Variants in ANKRD28 observed in about 807,000 individuals in gnomAD.
The protein encoded by ANKRD28 is ankyrin repeat domain 28, also known as serine/threonine-protein phosphatase 6 regulatory ankyrin repeat subunit A.
In ANKRD28, 44 loss-of-function variants were observed where a neutral mutation model predicts 126.5. The ratio of observed to expected loss-of-function variants is 0.35; its 90% CI spans 0.27 to 0.45. The LOEUF (loss-of-function observed/expected upper bound fraction) is 0.45. Ranked by LOEUF, ANKRD28 falls within the 20% of genes least tolerant of loss-of-function variation. The pLI, the probability that ANKRD28 is intolerant of heterozygous loss-of-function variation, is 1.00. For missense variants in ANKRD28, 1,110 were observed against 1,316.6 expected (o/e 0.84, Z 2.43); for synonymous variants, 442 against 468.5 (o/e 0.94, Z 0.73).
At chr3:15,722,126 G>C in intron 7 of ANKRD28, among the ~76,000 whole-genome samples, 1 of 152,170 alleles carries the variant, frequency 6.6e-6, no homozygotes, top group Non-Finnish European at 1.5e-5. Flanking sequence ...CCAAAGAGAG[G>C]TCTGTCCTTT....
intron 3 of ANKRD28, among the ~76,000 whole-genome samples, chr3:15,762,188 TA>T (rs1163421626): frequency 7.7e-5 from 5 of 64,980 alleles, no homozygotes; most frequent in African/African-American, 1.8e-4. Context: ...ACTATGTCTT[TA>T]AAAAAAAAAA....
chr3:15,685,821 T>C (rs1250822279), intron 20 of ANKRD28, among the ~76,000 whole-genome samples, 181 bp downstream of exon 20: 1 of 152,246 alleles, frequency 6.6e-6, no homozygotes, highest in Non-Finnish European at 1.5e-5. Context: ...CATTGTTCTC[T>C]AGATTAAGTT....
In ANKRD28 at chr3:15,714,640, G is replaced by A; in HGVS notation, c.1013C>T (p.Thr338Ile). The change falls in exon 9 of 28, where the codon ACC (threonine) becomes ATC (isoleucine). Residue 338 changes from threonine to isoleucine, a missense_variant. Thr to Ile is a moderately conservative substitution (Grantham distance 89). Coordinates refer to ENST00000683139, the MANE Select transcript of ANKRD28 (RefSeq NM_001349278.2). ...GTGGAGAGCAGTCATGTGTAGTGGG[G>A]TTTTCCCATCTTTACTCTGGGGGGG... ...DVNMKSKDGK[T>I]PLHMTALHGR... 6.3e-7 allele frequency: 1 copy of A among 1,594,592 alleles called. No homozygotes were observed. Among genetic ancestry groups the A allele is most frequent in the East Asian group, 2.3e-5 (1 of 44,106 alleles).
At chr3:15,776,967 A>G (rs568800150) in intron 2 of ANKRD28, among the ~76,000 whole-genome samples, 4 of 152,164 alleles carry the variant, frequency 2.6e-5, no homozygotes, top group Non-Finnish European at 4.4e-5. Context: ...TCCTGAACTA[A>G]TGTTCAAAAT....
chr3:15,679,192 A>T, intron 23 of ANKRD28, 109 bp downstream of exon 23: 1 of 1,025,666 alleles, frequency 9.7e-7, no homozygotes, highest in South Asian at 1.4e-5. Flanking sequence ...CTGGTCTTAA[A>T]CTCCTGGCTT....
chr3:15,762,757 T>C (rs1238260593), intron 3 of ANKRD28, among the ~76,000 whole-genome samples: 1 of 152,134 alleles, frequency 6.6e-6, no homozygotes, highest in African/African-American at 2.4e-5. Flanking sequence ...AAAATAGAAA[T>C]GCTCCTTAAA....
At chr3:15,752,108 T>C (rs1246498549) in intron 3 of ANKRD28, among the ~76,000 whole-genome samples, 2 of 152,068 alleles carry the variant, frequency 1.3e-5, no homozygotes, top group Non-Finnish European at 2.9e-5. Flanking sequence ...ATATCCAAGG[T>C]AGAAATCAGA....
At chr3:15,729,393 C>G (rs2074414041) in intron 6 of ANKRD28, among the ~76,000 whole-genome samples, 1 of 152,162 alleles carries the variant, frequency 6.6e-6, no homozygotes, top group Non-Finnish European at 1.5e-5. Flanking sequence ...CCAACCTTTC[C>G]TGACCAACCC....
chr3:15,703,793 G>A (rs1324428585), intron 14 of ANKRD28, among the ~76,000 whole-genome samples: 3 of 152,182 alleles, frequency 2.0e-5, no homozygotes, highest in Non-Finnish European at 4.4e-5. Context: ...GAAGAGTTAT[G>A]AAGTGCGGGC....
chr3:15,686,947 T>C (rs534912477), intron 18 of ANKRD28, among the ~76,000 whole-genome samples: 58 of 100,854 alleles, frequency 5.8e-4, no homozygotes, highest in African/African-American at 3.1e-3. Context: ...CTGATATTGC[T>C]TTTTTTTTTT....
rs2061702637 is a variant in ANKRD28, at chr3:15,853,738, G to A, written c.27+5639C>T. Among the ~76,000 whole-genome samples the A allele has an allele frequency of 6.6e-6, 1 of 151,984 alleles. No homozygotes were observed. On this transcript the variant is annotated intron_variant, in intron 1 of 27. Transcript: ENST00000399451. This position sits in a 1 kb window ranked among gnomAD's most constrained non-coding sequence, Gnocchi z 4.2. ...CCCGCCTCGGTCTCCCAAAGTGCTG[G>A]GATTACAGGCATGAGCCACCGCGCC...
At chr3:15,722,933 A>G (rs904403761) in intron 7 of ANKRD28, among the ~76,000 whole-genome samples, 1 of 152,156 alleles carries the variant, frequency 6.6e-6, no homozygotes, top group Non-Finnish European at 1.5e-5. Flanking sequence ...AAACTAAAAA[A>G]AAAACAAAAA....
chr3:15,831,200 C>A, intron 1 of ANKRD28, among the ~76,000 whole-genome samples: 1 of 152,146 alleles, frequency 6.6e-6, no homozygotes, highest in African/African-American at 2.4e-5. Context: ...TGAGAGTGCA[C>A]AATCTCCCAC....
At chr3:15,733,411 T>C (rs2074792905) in intron 6 of ANKRD28, 1 of 152,220 alleles carries the variant, frequency 6.6e-6, no homozygotes, top group Admixed American at 6.5e-5. Context: ...AAAAATGACA[T>C]ATTACCGTCT....
chr3:15,763,658 A>AAGGTTTATGAG (rs2058603388), intron 3 of ANKRD28, among the ~76,000 whole-genome samples: 2 of 151,928 alleles, frequency 1.3e-5, no homozygotes, highest in South Asian at 4.1e-4. Context: ...AAGCGGCTGA[A>AAGGTTTATGAG]GAAGGTTTAA....
intron 21 of ANKRD28, among the ~76,000 whole-genome samples, chr3:15,682,024 T>TCA (rs1035997541): frequency 1.4e-4 from 21 of 152,168 alleles, no homozygotes; most frequent in African/African-American, 4.8e-4. Context: ...TAAGAGCCCC[T>TCA]CATTCTCCAG....
At position 15,685,377 on chromosome 3, in the gene ANKRD28, A is replaced by G; in HGVS notation, c.2238T>C (p.Asp746=). The G allele has an allele frequency of 6.2e-7, 1 of 1,614,014 alleles. No homozygotes were observed. Among genetic ancestry groups the G allele is most frequent in the Non-Finnish European group, 8.5e-7 (1 of 1,179,860 alleles). The change falls in exon 21 of 28, where the codon GAT becomes GAC. Residue 746 remains aspartate (D), a synonymous_variant. Coordinates refer to ENST00000683139, the MANE Select transcript of ANKRD28 (RefSeq NM_001349278.2). ...LQHGAKCLLR[D]SRGRTPIHLS... Reference sequence around the variant, plus strand: ...GGTGTATAGGCGTCCGGCCCCTGCTATCCCGAAGTAAGCACTTAGCACCAT... The same window carrying G: ...GGTGTATAGGCGTCCGGCCCCTGCTGTCCCGAAGTAAGCACTTAGCACCAT...
intron 14 of ANKRD28, among the ~76,000 whole-genome samples, chr3:15,699,982 A>C (rs912117367): frequency 1.3e-5 from 2 of 152,344 alleles, no homozygotes; most frequent in South Asian, 4.1e-4. Flanking sequence ...CTTGGAACCA[A>C]CCCAAATGTC....
intron 14 of ANKRD28, among the ~76,000 whole-genome samples, chr3:15,706,588 C>T (rs913946689): frequency 3.9e-5 from 6 of 152,052 alleles, no homozygotes; most frequent in Non-Finnish European, 7.4e-5. Flanking sequence ...GATTTATAAT[C>T]CTTTGGGTAT....
Sources: allele counts gnomAD v4.1 joint callset (sites outside exome capture counted in the v4.1 genomes callset), GRCh38; gene constraint gnomAD v4.1.1; non-coding constraint Gnocchi (gnomAD v3.1); transcripts MANE v1.5; gene names NCBI Gene and HGNC (gene_info 2026-07-23, HGNC 2026-07-21).